The following ENTPD1 variants were observed in gnomAD, a reference collection of about 807,000 sequenced individuals.
The protein encoded by ENTPD1 is ectonucleoside triphosphate diphosphohydrolase 1, also known as ATP diphosphohydrolase.
Under a neutral mutation model 57.0 loss-of-function variants are expected in ENTPD1, and 33 were observed. That is an observed-to-expected ratio of 0.58 (90% CI 0.44 to 0.77). The LOEUF (loss-of-function observed/expected upper bound fraction) is 0.77. Among genes scored for constraint, ENTPD1 ranks in the 30% least tolerant of loss-of-function variants. ENTPD1 has a pLI of 0.00. For missense variants in ENTPD1, 501 were observed against 603.4 expected, an observed-to-expected ratio of 0.83 and a Z score of 1.78; for synonymous variants, 202 against 218.8, an observed-to-expected ratio of 0.92 and a Z score of 0.68.
chr10:95,764,783 C>T (rs867717621), intron 1 of ENTPD1, among the ~76,000 whole-genome samples: 3 of 130,508 alleles, frequency 2.3e-5, no homozygotes, highest in Non-Finnish European at 3.1e-5. Context: ...AGTGTGATGG[C>T]GTGATTTTGG....
Position 95,868,344 on chromosome 10 carries a change from G to A in ENTPD1, c.*1961G>A. On this transcript the variant is annotated 3_prime_UTR_variant, in exon 10 of 10. Coordinates refer to ENST00000371205, the MANE Select transcript of ENTPD1 (RefSeq NM_001776.6). ...GTATTCATAGAAAGGGAGGCAGAAA[G>A]CTGGTCTGTTCCTGATAGGCTTGTA... 1.0e-6 allele frequency: 1 copy of A among 985,446 alleles called. No homozygotes were observed. The highest frequency in any genetic ancestry group is 1.2e-6 in the Non-Finnish European group (1 of 829,938). The allele number at this position is 985,446 out of a possible 1,614,324, so 61.0% of individuals were successfully genotyped here.
intron 1 of ENTPD1, among the ~76,000 whole-genome samples, chr10:95,799,655 T>A (rs1277444822): frequency 6.6e-6 from 1 of 152,214 alleles, no homozygotes; most frequent in Admixed American, 6.5e-5. Flanking sequence ...ATATATCCAG[T>A]AATGGGATTT....
chr10:95,755,317 G>C (rs1252251783), upstream of ENTPD1: 2 of 201,308 alleles, frequency 9.9e-6, no homozygotes, highest in Non-Finnish European at 2.0e-5. Flanking sequence ...CAACAGCCTT[G>C]TGGAGGGAGA....
chr10:95,784,685 T>A (rs914516178), intron 1 of ENTPD1, among the ~76,000 whole-genome samples: 1 of 152,130 alleles, frequency 6.6e-6, no homozygotes, highest in Non-Finnish European at 1.5e-5. Context: ...CCTATCGGCC[T>A]CAGTACTCTT....
upstream of ENTPD1, among the ~76,000 whole-genome samples, chr10:95,707,147 G>A (rs1051102926): frequency 8.5e-5 from 13 of 152,280 alleles, no homozygotes; most frequent in African/African-American, 2.2e-4. Context: ...TCCATGCAGC[G>A]GGGACCTGGT....
At chr10:95,804,311 A>G (rs956345123) in intron 1 of ENTPD1, among the ~76,000 whole-genome samples, 3 of 151,918 alleles carry the variant, frequency 2.0e-5, no homozygotes, top group Admixed American at 1.3e-4. Flanking sequence ...GATTCTTCCT[A>G]TCCATGAGCA....
intron 2 of ENTPD1, among the ~76,000 whole-genome samples, chr10:95,838,037 CA>C (rs2098414653): frequency 1.3e-5 from 2 of 152,130 alleles, no homozygotes; most frequent in African/African-American, 4.8e-5. Context: ...TTTAAAGTGG[CA>C]GACCATACTT....
At chr10:95,812,486 C>T (rs562420030) in intron 1 of ENTPD1, among the ~76,000 whole-genome samples, 1 of 152,250 alleles carries the variant, frequency 6.6e-6, no homozygotes, top group Admixed American at 6.5e-5. Flanking sequence ...ATACATTTGC[C>T]AGTTGCTAGC....
In ENTPD1 at chr10:95,872,549, TACC is replaced by T. The variant is rs887032617; in HGVS notation, c.*6169_*6171del. On this transcript the variant is annotated 3_prime_UTR_variant, in exon 10 of 10. Transcript: ENST00000371205. ...AAGTCAGAATGTCTCTTCCTTGTGC[TACC>T]ACAACCCTTTAACTGAGCCTCCATT... 3 of 985,218 alleles carry T rather than the reference TACC, an allele frequency of 3.0e-6. No homozygotes were observed. The African/African-American group carries it at 5.2e-5, about 17-fold the overall frequency. 61.0% of individuals were successfully genotyped at this position (985,218 alleles called of 1,614,324 possible).
chr10:95,813,761 G>A (rs1740095445), intron 1 of ENTPD1, among the ~76,000 whole-genome samples: 1 of 152,120 alleles, frequency 6.6e-6, no homozygotes, highest in Non-Finnish European at 1.5e-5. Flanking sequence ...AGTAATATTT[G>A]TATGTAACCT....
chr10:95,822,764 C>T (rs1354982537), intron 1 of ENTPD1, among the ~76,000 whole-genome samples: 1 of 152,142 alleles, frequency 6.6e-6, no homozygotes, highest in Non-Finnish European at 1.5e-5. Context: ...GGTTTAAATG[C>T]AAGGGGTATG....
At chr10:95,789,004 T>C (rs2098192071) in intron 1 of ENTPD1, among the ~76,000 whole-genome samples, 1 of 152,132 alleles carries the variant, frequency 6.6e-6, no homozygotes, top group South Asian at 2.1e-4. Flanking sequence ...ATGCTAAAGA[T>C]AACAAAAGTT....
chr10:95,758,830 G>A (rs1184697572), intron 1 of ENTPD1, among the ~76,000 whole-genome samples: 1 of 152,208 alleles, frequency 6.6e-6, no homozygotes, highest in Non-Finnish European at 1.5e-5. Context: ...GCTGAGTACT[G>A]ATTCAGGAAG....
rs982399987 is a variant in ENTPD1 at position 95,876,489 on chromosome 10, T to G, written c.*10106T>G. 8.1e-7 allele frequency: 1 copy of G among 1,231,514 alleles called. No homozygotes were observed. The highest frequency in any genetic ancestry group is 1.0e-6 in the Non-Finnish European group (1 of 987,840). The allele number at this position is 1,231,514 out of a possible 1,614,324, so 76.3% of individuals were successfully genotyped here. On this transcript the variant is annotated 3_prime_UTR_variant, in exon 10 of 10. Coordinates refer to ENST00000371205, the MANE Select transcript of ENTPD1 (RefSeq NM_001776.6). ...CTTAAAAATATGTCTCTCTGTCCTA[T>G]TCTGTATCTGTATCTCTTGGATTTT...
At chr10:95,802,461 T>C (rs951651148) in intron 1 of ENTPD1, among the ~76,000 whole-genome samples, 13 of 152,140 alleles carry the variant, frequency 8.5e-5, no homozygotes, top group African/African-American at 3.1e-4. Flanking sequence ...TCCCACCTTC[T>C]TTTTTTAAAA....
intron 1 of ENTPD1, among the ~76,000 whole-genome samples, chr10:95,781,316 G>C (rs900488402): frequency 3.9e-5 from 6 of 152,198 alleles, no homozygotes; most frequent in Admixed American, 2.6e-4. Flanking sequence ...AAAATAGTTA[G>C]AAAGAATGAA....
the ENTPD1 span, among the ~76,000 whole-genome samples, chr10:95,700,345 G>A: frequency 6.6e-6 from 1 of 151,740 alleles, no homozygotes; most frequent in African/African-American, 2.4e-5. Context: ...ATTAATATGA[G>A]TTCCAGGAAA....
At chr10:95,843,075 G>C (rs951601692) in intron 4 of ENTPD1, 1 of 152,250 alleles carries the variant, frequency 6.6e-6, no homozygotes, top group Non-Finnish European at 1.5e-5. Context: ...CAGGGTGAGA[G>C]GAGGTCAGGA....
intron 1 of ENTPD1, among the ~76,000 whole-genome samples, chr10:95,774,051 T>C (rs900433558): frequency 7.9e-5 from 12 of 152,228 alleles, no homozygotes; most frequent in African/African-American, 2.4e-4. Flanking sequence ...TGGTATCTCA[T>C]TGTGGTTTTG....
Sources: gnomAD v4.1 joint callset for allele counts (sites outside exome capture counted in the v4.1 genomes callset) on GRCh38, gnomAD v4.1.1 for gene constraint, MANE v1.5 for transcripts, NCBI Gene and HGNC (gene_info 2026-07-23, HGNC 2026-07-21) for gene names.